The following PDGFC variants were observed in gnomAD, a reference collection of about 807,000 sequenced individuals.
PDGFC encodes platelet derived growth factor C, also known as platelet-derived growth factor C.
PDGFC carries 12 observed loss-of-function variants against 35.5 expected under a neutral mutation model. The observed-to-expected ratio is 0.34, with a 90% CI of 0.22 to 0.55. PDGFC has a LOEUF of 0.55. Ranked by LOEUF, PDGFC falls within the 20% of genes least tolerant of loss-of-function variation. PDGFC has a pLI of 0.91. For synonymous variants in PDGFC, 159 were observed against 148.8 expected (o/e 1.07, Z -0.50); for missense variants, 322 against 412.4 (o/e 0.78, Z 1.90).
In PDGFC at chr4:156,825,590, TAATAAGAAGAAGAAG is replaced by T. The variant is rs1157681804; in HGVS notation, c.315-14588_315-14574del. Among the ~76,000 whole-genome samples the T allele has an allele frequency of 7.7e-3, 602 of 78,294 alleles. 3 individuals are homozygous for T. The highest frequency in any genetic ancestry group is 0.019 in the African/African-American group (277 of 14,882). 51.4% of individuals were successfully genotyped at this position (78,294 alleles called of 152,430 possible). Reference sequence around the variant, plus strand: ...ATAATAATAATAATAATAATAATAATAATAAGAAGAAGAAGAAGAAGAAGAAGAAGAAGAAGAAGA... The same window carrying T: ...ATAATAATAATAATAATAATAATAATAAGAAGAAGAAGAAGAAGAAGAAGA... On this transcript the variant is annotated intron_variant, in intron 2 of 5. Coordinates refer to ENST00000502773, the MANE Select transcript of PDGFC (RefSeq NM_016205.3).
chr4:156,969,462 G>A (rs1732538978), intron 1 of PDGFC, among the ~76,000 whole-genome samples: 1 of 152,222 alleles, frequency 6.6e-6, no homozygotes, highest in African/African-American at 2.4e-5. Context: ...GTGATACTAT[G>A]TCTTGCTGCG....
intron 1 of PDGFC, among the ~76,000 whole-genome samples, chr4:156,967,020 T>C (rs1352476018): frequency 7.0e-6 from 1 of 142,002 alleles, no homozygotes; most frequent in Non-Finnish European, 1.6e-5. Context: ...CAGGAGGAAG[T>C]TTTTTCTTTT....
At chr4:156,801,189 A>G (rs2110914390) in intron 3 of PDGFC, among the ~76,000 whole-genome samples, 1 of 152,168 alleles carries the variant, frequency 6.6e-6, no homozygotes, top group African/African-American at 2.4e-5. Flanking sequence ...AAGCAGAGTC[A>G]GGGTAAAAGG....
At chr4:156,856,098 A>G (rs1333330613) in intron 1 of PDGFC, among the ~76,000 whole-genome samples, 1 of 152,288 alleles carries the variant, frequency 6.6e-6, no homozygotes, top group East Asian at 1.9e-4. Context: ...TTTCTGCTTT[A>G]TCATCATTTC....
intron 1 of PDGFC, among the ~76,000 whole-genome samples, chr4:156,930,714 A>T (rs2110874927): frequency 6.6e-6 from 1 of 152,126 alleles, no homozygotes; most frequent in East Asian, 1.9e-4. Flanking sequence ...CTAAAAAAAC[A>T]AAAATTAGCT....
intron 1 of PDGFC, among the ~76,000 whole-genome samples, chr4:156,903,285 CTAATAAAATGAACAAAT>C (rs1252825721): frequency 6.6e-6 from 1 of 151,864 alleles, no homozygotes; most frequent in Non-Finnish European, 1.5e-5. Flanking sequence ...ATAACATTTT[CTAATAAAATGAACAAAT>C]TAATAAAATA....
intron 2 of PDGFC, among the ~76,000 whole-genome samples, chr4:156,839,307 T>G (rs890416414): frequency 3.9e-5 from 6 of 152,232 alleles, no homozygotes; most frequent in Non-Finnish European, 8.8e-5. Flanking sequence ...ACCCTCATGC[T>G]GTTCTTGTGA....
chr4:156,831,488 G>A (rs1728932397), intron 2 of PDGFC, among the ~76,000 whole-genome samples: 1 of 136,672 alleles, frequency 7.3e-6, no homozygotes, highest in South Asian at 2.6e-4. Context: ...CTATCGCGCA[G>A]GCTGGAGTGC....
At chr4:156,886,760 A>G (rs1386784605) in intron 1 of PDGFC, 1 of 152,230 alleles carries the variant, frequency 6.6e-6, no homozygotes, top group Non-Finnish European at 1.5e-5. Flanking sequence ...CCATTTCTAT[A>G]TCTGGACACA....
intron 1 of PDGFC, among the ~76,000 whole-genome samples, chr4:156,922,689 A>C (rs1731314705): frequency 6.6e-6 from 1 of 152,210 alleles, no homozygotes; most frequent in Non-Finnish European, 1.5e-5. Flanking sequence ...CAATATTTAC[A>C]GAAGATTATG....
intron 1 of PDGFC, among the ~76,000 whole-genome samples, chr4:156,917,086 GA>G (rs1731170412): frequency 6.6e-6 from 1 of 151,826 alleles, no homozygotes; most frequent in Non-Finnish European, 1.5e-5. Flanking sequence ...CAAATTAAAA[GA>G]AAAAAAGGAA....
chr4:156,818,859 T>C (rs1017284545), intron 2 of PDGFC, among the ~76,000 whole-genome samples: 1 of 152,148 alleles, frequency 6.6e-6, no homozygotes, highest in African/African-American at 2.4e-5. Flanking sequence ...CTTGAACTCT[T>C]AGAGGCCATT....
rs1732102549 is a variant in PDGFC, at chr4:156,816,911, A to C, written c.315-5894T>G. Among the ~76,000 whole-genome samples the C allele has an allele frequency of 2.0e-5, 3 of 152,228 alleles. No individual in the cohort carries two copies. The South Asian group carries it at 6.2e-4, about 31-fold the overall frequency. On this transcript the variant is annotated intron_variant, in intron 2 of 5. Transcript: ENST00000502773. ...ATAGTCAATGTGGTAATTTAGGCCT[A>C]TAAATTTTATAGAGATTTATTTTAA...
At chr4:156,887,279 CTGT>C (rs1274350762) in intron 1 of PDGFC, among the ~76,000 whole-genome samples, 1 of 152,058 alleles carries the variant, frequency 6.6e-6, no homozygotes, top group African/African-American at 2.4e-5. Flanking sequence ...TATTTAAATT[CTGT>C]TAACTTGATA....
At chr4:156,935,290 C>T (rs560093082) in intron 1 of PDGFC, among the ~76,000 whole-genome samples, 2 of 152,184 alleles carry the variant, frequency 1.3e-5, no homozygotes, top group East Asian at 3.8e-4. Context: ...GCCACCATGT[C>T]TGACTTACAG....
In PDGFC at chr4:156,767,866, C is replaced by T. The variant is rs1043244457; in HGVS notation, c.828G>A (p.Leu276=). The T allele has an allele frequency of 6.2e-7, 1 of 1,613,196 alleles. No homozygotes were observed. The highest frequency in any genetic ancestry group is 1.3e-5 in the African/African-American group (1 of 74,808). Residue 276 remains leucine (L), a synonymous_variant, in exon 5 of 6, where the codon CTG becomes CTA. Coordinates refer to ENST00000502773, the MANE Select transcript of PDGFC (RefSeq NM_016205.3). ...CACAGTTCCCACCACAGCGTTTAAC[C>T]AGGAGACAACCTGGCCAGAAAATGG... ...TDTIFWPGCL[L]VKRCGGNCAC...
In PDGFC at chr4:156,882,481, C is replaced by G. The variant is rs115542102; in HGVS notation, c.119-32065G>C. ...ATTTAATGTTCTAAGTATAAGACAACCTAAGAAAGATTTCAAAAACATATT... is the reference window on the plus strand; with the variant it reads ...ATTTAATGTTCTAAGTATAAGACAAGCTAAGAAAGATTTCAAAAACATATT... On this transcript the variant is annotated intron_variant, in intron 1 of 5. Coordinates refer to ENST00000502773, the MANE Select transcript of PDGFC (RefSeq NM_016205.3). Among the ~76,000 whole-genome samples, 1,274 of 152,078 alleles carry G rather than the reference C, an allele frequency of 8.4e-3. 18 individuals carry two copies. Among genetic ancestry groups the G allele is most frequent in the African/African-American group, 0.03 (1,225 of 41,472 alleles).
At chr4:156,946,525 T>C (rs1445611060) in intron 1 of PDGFC, among the ~76,000 whole-genome samples, 1 of 152,086 alleles carries the variant, frequency 6.6e-6, no homozygotes. Context: ...TTATACAGGA[T>C]TTTAAACAAC....
intron 3 of PDGFC, among the ~76,000 whole-genome samples, chr4:156,775,459 AT>A (rs1730803973): frequency 6.6e-6 from 1 of 152,198 alleles, no homozygotes; most frequent in South Asian, 2.1e-4. Context: ...GTGCAGATGT[AT>A]ATTTTAAGCA....
Sources: allele counts gnomAD v4.1 joint callset (sites outside exome capture counted in the v4.1 genomes callset), GRCh38; gene constraint gnomAD v4.1.1; transcripts MANE v1.5; gene names NCBI Gene and HGNC (gene_info 2026-07-23, HGNC 2026-07-21).